Variants in LRGUK observed in about 807,000 individuals in gnomAD.
LRGUK encodes leucine-rich repeat and guanylate kinase domain-containing protein.
In LRGUK, 65 loss-of-function variants were observed where a neutral mutation model predicts 76.0. The observed-to-expected ratio is 0.85, with a 90% CI of 0.70 to 1.05. LRGUK has a LOEUF of 1.05. LRGUK is among the 50% of genes least tolerant of loss of function. The pLI, the probability that LRGUK is intolerant of heterozygous loss-of-function variation, is 0.00. For synonymous variants in LRGUK, 268 were observed against 265.6 expected (o/e 1.01, Z -0.09); for missense variants, 758 against 732.8 (o/e 1.03, Z -0.40).
chr7:134,255,965 A>C (rs187031580), intron 18 of LRGUK, among the ~76,000 whole-genome samples: 1 of 152,186 alleles, frequency 6.6e-6, no homozygotes, highest in African/African-American at 2.4e-5. Context: ...CTGGTCCTGG[A>C]GTCATTGGCT....
intron 3 of LRGUK, among the ~76,000 whole-genome samples, 159 bp from the exon 4 acceptor site, chr7:134,142,903 A>C (rs1797825652): frequency 6.6e-6 from 1 of 152,184 alleles, no homozygotes; most frequent in African/African-American, 2.4e-5. Context: ...TATATTTCAC[A>C]TACTCCTGAT....
intron 18 of LRGUK, among the ~76,000 whole-genome samples, chr7:134,255,271 A>G (rs542919391): frequency 1.5e-3 from 234 of 151,936 alleles, no homozygotes; most frequent in African/African-American, 5.5e-3. Context: ...ACACAAATTT[A>G]TAACTACTAC....
intron 4 of LRGUK, among the ~76,000 whole-genome samples, chr7:134,144,470 A>G (rs1797891404): frequency 6.6e-6 from 1 of 152,174 alleles, no homozygotes; most frequent in Non-Finnish European, 1.5e-5. Flanking sequence ...AGGTGGCTCT[A>G]ATGTGCTGAC....
chr7:134,222,958 G>A (rs1049725228), intron 16 of LRGUK, among the ~76,000 whole-genome samples: 2 of 152,060 alleles, frequency 1.3e-5, no homozygotes, highest in African/African-American at 4.8e-5. Context: ...AGTGTTCAGT[G>A]GTCAAAAGAA....
chr7:134,248,921 T>G (rs1448780528), intron 17 of LRGUK, 30 bp from the exon 18 acceptor site: 22 of 1,256,146 alleles, frequency 1.8e-5, no homozygotes, highest in Non-Finnish European at 2.3e-5. Context: ...ATCCTTTGGT[T>G]TTTTTTTTTT....
At chr7:134,257,342 T>A (rs745467096) in intron 18 of LRGUK, among the ~76,000 whole-genome samples, 3 of 152,124 alleles carry the variant, frequency 2.0e-5, no homozygotes, top group Non-Finnish European at 4.4e-5. Flanking sequence ...TAAACAAGGT[T>A]CAGCTGCTTG....
chr7:134,178,464 A>G (rs1195026767), intron 9 of LRGUK, 39 bp from the exon 10 acceptor site: 5 of 1,513,244 alleles, frequency 3.3e-6, no homozygotes, highest in Non-Finnish European at 4.5e-6. Flanking sequence ...TTTAGAAACA[A>G]AACTTTTTTT....
At chr7:134,265,328 C>T (rs1040131903), downstream of LRGUK, among the ~76,000 whole-genome samples, 20 of 152,114 alleles carry the variant, frequency 1.3e-4, no homozygotes, top group South Asian at 2.1e-4. Context: ...ACAGCTAAAA[C>T]CCTGAACATT....
intron 19 of LRGUK, among the ~76,000 whole-genome samples, chr7:134,260,533 G>A (rs1802694488): frequency 6.6e-6 from 1 of 152,200 alleles, no homozygotes; most frequent in Non-Finnish European, 1.5e-5. Flanking sequence ...CTAAGCCTAG[G>A]ATCAGGCTTG....
At chr7:134,200,411 T>C (rs1800720115) in intron 14 of LRGUK, among the ~76,000 whole-genome samples, 1 of 152,086 alleles carries the variant, frequency 6.6e-6, no homozygotes, top group Non-Finnish European at 1.5e-5. Context: ...TGTGTCTAGA[T>C]AGGGAAATAT....
chr7:134,247,965 T>A (rs1363662564), intron 17 of LRGUK, among the ~76,000 whole-genome samples: 2 of 152,196 alleles, frequency 1.3e-5, no homozygotes, highest in Non-Finnish European at 2.9e-5. Context: ...CTTGCATGAT[T>A]GTTTCGGTTC....
chr7:134,128,421 A>G (rs1240319567), intron 1 of LRGUK, among the ~76,000 whole-genome samples: 8 of 152,164 alleles, frequency 5.3e-5, no homozygotes, highest in South Asian at 2.1e-4. Flanking sequence ...TATGCTTATT[A>G]TGGTCCTTTT....
At chr7:134,259,694 G>A (rs1337645081) in intron 19 of LRGUK, among the ~76,000 whole-genome samples, 2 of 152,168 alleles carry the variant, frequency 1.3e-5, no homozygotes, top group African/African-American at 4.8e-5. Context: ...CAGGACACAA[G>A]CAATAAGGAT....
the LRGUK span, among the ~76,000 whole-genome samples, chr7:134,276,273 G>A: frequency 2.0e-5 from 3 of 152,204 alleles, no homozygotes; most frequent in African/African-American, 2.4e-5. Flanking sequence ...CACCAAAGGC[G>A]TGATTTGACA....
Position 134,222,067 on chromosome 7 carries a change from A to G in LRGUK, c.1983+149A>G, listed in dbSNP as rs558484780. Reference sequence around the variant, plus strand: ...AAGACAGGATTTTGACTCTTTGTACATCCCTGAGAATAGACACTGGTTCTA... The same window carrying G: ...AAGACAGGATTTTGACTCTTTGTACGTCCCTGAGAATAGACACTGGTTCTA... On this transcript the variant is annotated intron_variant, in intron 16 of 19. Transcript: ENST00000285928. 1.6e-4 allele frequency: 103 copies of G among 655,458 alleles called. No individual in the cohort carries two copies. In the East Asian group the frequency reaches 3.5e-3, roughly 22 times the overall value. The allele number at this position is 655,458 out of a possible 1,614,324, so 40.6% of individuals were successfully genotyped here. A position where few individuals can be genotyped will look rare whatever the true frequency, so the allele number is the denominator to read the frequency against.
At position 134,132,896 on chromosome 7, in the gene LRGUK, G is replaced by A. The variant is rs1797371770; in HGVS notation, c.298-4127G>A. ...TTTGCCTCAGAAGTAGAAGAGAAGGGCATTAGTGGAGAAGACGGCAAAGGA... is the reference window on the plus strand; with the variant it reads ...TTTGCCTCAGAAGTAGAAGAGAAGGACATTAGTGGAGAAGACGGCAAAGGA... On this transcript the variant is annotated intron_variant, in intron 1 of 15. Coordinates refer to ENST00000645682, the Ensembl canonical transcript of LRGUK. 2.6e-5 allele frequency among the ~76,000 whole-genome samples: 4 copies of A among 152,230 alleles called. No individual in the cohort carries two copies. In the South Asian group the frequency reaches 8.3e-4, roughly 32 times the overall value.
intron 18 of LRGUK, among the ~76,000 whole-genome samples, chr7:134,251,182 G>A (rs778269362): frequency 1.4e-4 from 22 of 152,278 alleles, no homozygotes; most frequent in Non-Finnish European, 2.4e-4. Flanking sequence ...TAGGGTCACT[G>A]CAGATGTAAT....
intron 16 of LRGUK, among the ~76,000 whole-genome samples, chr7:134,233,300 G>T (rs1265963630): frequency 6.6e-6 from 1 of 152,180 alleles, no homozygotes; most frequent in Non-Finnish European, 1.5e-5. Flanking sequence ...CCTTCTAGAA[G>T]AAGCTTGACT....
chr7:134,273,982 A>G, the LRGUK span, among the ~76,000 whole-genome samples: 1 of 152,178 alleles, frequency 6.6e-6, no homozygotes, highest in Non-Finnish European at 1.5e-5. Context: ...AGAAGTTTTT[A>G]ACTCTATATT....
Sources: gnomAD v4.1 joint callset for allele counts (sites outside exome capture counted in the v4.1 genomes callset) on GRCh38, gnomAD v4.1.1 for gene constraint, MANE v1.5 for transcripts, NCBI Gene and HGNC (gene_info 2026-07-23, HGNC 2026-07-21) for gene names.